CTNND2: variants seen among roughly 807,000 people sequenced by gnomAD.
CTNND2 encodes the protein catenin delta 2.
CTNND2 carries 22 observed loss-of-function variants against 144.4 expected under a neutral mutation model. That is an observed-to-expected ratio of 0.15 (90% CI 0.11 to 0.22). CTNND2 has a LOEUF of 0.22. Among genes scored for constraint, CTNND2 ranks in the 10% least tolerant of loss-of-function variants. The pLI is 1.00. For synonymous variants in CTNND2, 751 were observed against 695.6 expected (o/e 1.08, Z -1.25); for missense variants, 1,353 against 1,618.8 (o/e 0.84, Z 2.82).
At chr5:11,099,934 G>T (rs1211237007) in intron 14 of CTNND2, among the ~76,000 whole-genome samples, 3 of 152,106 alleles carry the variant, frequency 2.0e-5, no homozygotes, top group Non-Finnish European at 4.4e-5. Context: ...CAGTGTAAAT[G>T]ACATATGCTA....
intron 3 of CTNND2, among the ~76,000 whole-genome samples, chr5:11,526,124 A>G (rs1172232148): frequency 3.3e-5 from 5 of 151,190 alleles, no homozygotes; most frequent in Non-Finnish European, 5.9e-5. Context: ...TTGGTCTTGA[A>G]CTCCTGGCCC....
At chr5:11,674,884 C>T (rs797013865) in intron 2 of CTNND2, among the ~76,000 whole-genome samples, 13 of 152,236 alleles carry the variant, frequency 8.5e-5, no homozygotes, top group African/African-American at 1.9e-4. Context: ...TGCCACCATG[C>T]CTGGCTAATT....
At chr5:11,737,520 C>G (rs920432461) in intron 1 of CTNND2, among the ~76,000 whole-genome samples, 10 of 152,306 alleles carry the variant, frequency 6.6e-5, no homozygotes, top group African/African-American at 2.2e-4. Context: ...GTTCTTCTAG[C>G]AGAACTTGGT....
intron 11 of CTNND2, among the ~76,000 whole-genome samples, chr5:11,181,760 GTGTGTGTGTGTGTGTC>G (rs1735003261): frequency 1.3e-5 from 1 of 79,916 alleles, no homozygotes; most frequent in Admixed American, 1.0e-4. Context: ...ATGTGTGTAT[GTGTGTGTGTGTGTGTC>G]TGTGTGTGTG....
At chr5:11,300,150 C>G (rs765023012) in intron 9 of CTNND2, among the ~76,000 whole-genome samples, 7 of 152,046 alleles carry the variant, frequency 4.6e-5, no homozygotes, top group Non-Finnish European at 8.8e-5. Flanking sequence ...TGTGGTTAAC[C>G]CTCAGATCCC....
At chr5:11,424,634 T>C (rs911303183) in intron 3 of CTNND2, among the ~76,000 whole-genome samples, 1 of 152,126 alleles carries the variant, frequency 6.6e-6, no homozygotes, top group African/African-American at 2.4e-5. Flanking sequence ...GTTTGGCATG[T>C]CATAAAAATC....
At chr5:11,539,438 T>TAGG (rs1418920368) in intron 3 of CTNND2, among the ~76,000 whole-genome samples, 1 of 152,174 alleles carries the variant, frequency 6.6e-6, no homozygotes, top group Non-Finnish European at 1.5e-5. Context: ...CCTAATTAAG[T>TAGG]GTGGTGTCCA....
chr5:11,313,300 A>T (rs1751172700), intron 9 of CTNND2, among the ~76,000 whole-genome samples: 1 of 152,188 alleles, frequency 6.6e-6, no homozygotes, highest in African/African-American at 2.4e-5. Flanking sequence ...AGGCCTGTGC[A>T]GGCTCCCCAG....
chr5:11,656,405 C>G (rs752124307), intron 2 of CTNND2, among the ~76,000 whole-genome samples: 2 of 134,574 alleles, frequency 1.5e-5, no homozygotes, highest in Non-Finnish European at 3.4e-5. Context: ...TATACCCCTG[C>G]TGAACACTCC....
intron 1 of CTNND2, among the ~76,000 whole-genome samples, chr5:11,869,421 C>T (rs1329234329): frequency 6.6e-6 from 1 of 152,134 alleles, no homozygotes; most frequent in Non-Finnish European, 1.5e-5. Context: ...TGACACATGC[C>T]ACAACATGGA....
chr5:11,398,273 T>C (rs1581110793), intron 5 of CTNND2, among the ~76,000 whole-genome samples: 1 of 152,238 alleles, frequency 6.6e-6, no homozygotes, highest in South Asian at 2.1e-4. Context: ...TTCTGATAAG[T>C]ATGAGCAAAT....
At position 11,244,457 on chromosome 5, in the gene CTNND2, G is replaced by A. The variant is rs146853219; in HGVS notation, c.1629-7634C>T. ...CCACCACCACACCTGGCTAATTTTT[G>A]TATTTTTAGTAGAGACAAGGTTTTG... On this transcript the variant is annotated intron_variant, in intron 9 of 21. Transcript: ENST00000304623. Among the ~76,000 whole-genome samples, 607 of 152,022 alleles carry A rather than the reference G, an allele frequency of 4.0e-3. 8 individuals are homozygous for A. The highest frequency in any genetic ancestry group is 0.013 in the African/African-American group (542 of 41,462).
At chr5:11,587,665 C>A (rs766550473) in intron 2 of CTNND2, among the ~76,000 whole-genome samples, 3 of 151,948 alleles carry the variant, frequency 2.0e-5, no homozygotes, top group Non-Finnish European at 2.9e-5. Flanking sequence ...AGGTGAAAAT[C>A]ATTTTGTATC....
At chr5:11,557,149 AT>A (rs1274754923) in intron 3 of CTNND2, among the ~76,000 whole-genome samples, 4 of 152,196 alleles carry the variant, frequency 2.6e-5, no homozygotes, top group Non-Finnish European at 5.9e-5. Flanking sequence ...TTTGTAATAT[AT>A]ATCTAACATG....
chr5:10,977,715 A>G (rs1184329488), intron 21 of CTNND2, among the ~76,000 whole-genome samples: 1 of 152,182 alleles, frequency 6.6e-6, no homozygotes, highest in Non-Finnish European at 1.5e-5. Context: ...GGCCTCCCAA[A>G]ATGCTAGGAT....
At chr5:11,580,700 T>C (rs1778360753) in intron 2 of CTNND2, among the ~76,000 whole-genome samples, 1 of 152,226 alleles carries the variant, frequency 6.6e-6, no homozygotes, top group African/African-American at 2.4e-5. Context: ...CCCCAATGCA[T>C]ACCATTCCAT....
chr5:11,227,972 C>G (rs1419132863), intron 10 of CTNND2, among the ~76,000 whole-genome samples: 1 of 152,122 alleles, frequency 6.6e-6, no homozygotes, highest in Non-Finnish European at 1.5e-5. Context: ...TTCCCTGACT[C>G]CACAAGGCTG....
intron 3 of CTNND2, among the ~76,000 whole-genome samples, chr5:11,505,865 G>T (rs998926824): frequency 6.6e-6 from 1 of 152,050 alleles, no homozygotes; most frequent in Non-Finnish European, 1.5e-5. Flanking sequence ...AATGACGCAG[G>T]CCCCCGTCAT....
At chr5:11,095,426 G>T (rs758022380) in intron 15 of CTNND2, among the ~76,000 whole-genome samples, 1 of 152,178 alleles carries the variant, frequency 6.6e-6, no homozygotes. Flanking sequence ...TCTGAGGATG[G>T]CCTGGAACAT....
Sources: gnomAD v4.1 joint callset for allele counts (sites outside exome capture counted in the v4.1 genomes callset) on GRCh38, gnomAD v4.1.1 for gene constraint, MANE v1.5 for transcripts, NCBI Gene and HGNC (gene_info 2026-07-23, HGNC 2026-07-21) for gene names.